The following CAMK2A variants were observed in gnomAD, a reference collection of about 807,000 sequenced individuals.
The protein encoded by CAMK2A is calcium/calmodulin-dependent protein kinase type II subunit alpha.
In CAMK2A, 7 loss-of-function variants were observed where a neutral mutation model predicts 79.2. The ratio of observed to expected loss-of-function variants is 0.09; its 90% CI spans 0.05 to 0.17. The LOEUF is 0.17. Ranked by LOEUF, CAMK2A falls within the 10% of genes least tolerant of loss-of-function variation. The pLI, the probability that CAMK2A is intolerant of heterozygous loss-of-function variation, is 1.00. For synonymous variants in CAMK2A, 242 were observed against 251.7 expected (o/e 0.96, Z 0.36); for missense variants, 214 against 646.4 (o/e 0.33, Z 7.25).
At chr5:150,235,052 G>A (rs535462577) in intron 15 of CAMK2A, among the ~76,000 whole-genome samples, 1 of 152,136 alleles carries the variant, frequency 6.6e-6, no homozygotes, top group Non-Finnish European at 1.5e-5. Context: ...CTCTGAGTAC[G>A]TGCACACAAT....
intron 18 of CAMK2A, 70 bp downstream of exon 18, chr5:150,222,919 C>T (rs1754390643): frequency 1.1e-5 from 16 of 1,498,068 alleles, no homozygotes; most frequent in South Asian, 3.4e-5. Context: ...GCTTCCCCGA[C>T]GTAACCCCCT....
At chr5:150,234,027 G>A (rs915063961) in intron 15 of CAMK2A, among the ~76,000 whole-genome samples, 1 of 152,124 alleles carries the variant, frequency 6.6e-6, no homozygotes, top group African/African-American at 2.4e-5. Flanking sequence ...TGGCCAGGCT[G>A]GTCACGAGCT....
intron 3 of CAMK2A, among the ~76,000 whole-genome samples, chr5:150,259,172 T>C (rs1199457030): frequency 6.7e-6 from 1 of 150,240 alleles, no homozygotes; most frequent in African/African-American, 2.5e-5. Flanking sequence ...AAAGCAACAC[T>C]CCATCTCAAA....
At position 150,256,955 on chromosome 5, in the gene CAMK2A, GC is replaced by G. The variant is rs1756085113; in HGVS notation, c.273-125del. 4.0e-6 allele frequency: 3 copies of G among 748,808 alleles called. No homozygotes were observed. The highest frequency in any genetic ancestry group is 6.5e-6 in the Non-Finnish European group (3 of 463,960). The allele number at this position is 748,808 out of a possible 1,614,324, so 46.4% of individuals were successfully genotyped here. A position where few individuals can be genotyped will look rare whatever the true frequency, so the allele number is the denominator to read the frequency against. ...CAGGACCTCAGCCACAAAAGGAGGG[GC>G]CCCAGGGTCACGGGGGTGTCCCCTG... is the stretch of plus-strand genomic sequence containing the variant. On this transcript the variant is annotated intron_variant, in intron 4 of 18. Transcript: ENST00000671881. This position sits in a 1 kb window ranked among gnomAD's most constrained non-coding sequence, Gnocchi z 4.6.
chr5:150,262,764 C>G (rs1224948224), intron 3 of CAMK2A, among the ~76,000 whole-genome samples: 1 of 152,158 alleles, frequency 6.6e-6, no homozygotes, highest in Non-Finnish European at 1.5e-5. Flanking sequence ...AAGGTGGGTG[C>G]TGTGATTATC....
At chr5:150,277,565 G>A (rs1757004366) in intron 1 of CAMK2A, among the ~76,000 whole-genome samples, 1 of 152,264 alleles carries the variant, frequency 6.6e-6, no homozygotes, top group Non-Finnish European at 1.5e-5. Flanking sequence ...AAGCTTTTGT[G>A]TAAATTAGAG....
chr5:150,272,348 T>C (rs1756781230), intron 2 of CAMK2A, among the ~76,000 whole-genome samples: 1 of 152,162 alleles, frequency 6.6e-6, no homozygotes, highest in South Asian at 2.1e-4. Flanking sequence ...ACAGATCATC[T>C]GAGGTCAAGA....
At position 150,272,429 on chromosome 5, in the gene CAMK2A, G is replaced by A. The variant is rs376412176; in HGVS notation, c.157+636C>T. On this transcript the variant is annotated intron_variant, in intron 2 of 18. Transcript: ENST00000671881. ...AAAATACAAAGAGAAAAAATTAGCC[G>A]GGCATGGCGGTGGACGCTTGTAATC... 1.1e-4 allele frequency among the ~76,000 whole-genome samples: 17 copies of A among 152,110 alleles called. 1 individual carries two copies. The highest frequency in any genetic ancestry group is 3.9e-4 in the African/African-American group (16 of 41,480).
chr5:150,271,542 G>A (rs1756750189), intron 2 of CAMK2A, among the ~76,000 whole-genome samples: 1 of 152,204 alleles, frequency 6.6e-6, no homozygotes, highest in Non-Finnish European at 1.5e-5. Flanking sequence ...CCACACAGCT[G>A]CGCCTATCAA....
At position 150,256,194 on chromosome 5, in the gene CAMK2A, T is replaced by G. The variant is rs1756051204; in HGVS notation, c.411+379A>C. On this transcript the variant is annotated intron_variant, in intron 6 of 18. Transcript: ENST00000671881. The surrounding 1 kb of genome is among the most constrained non-coding windows in gnomAD (Gnocchi z 4.6). ...GAGGTTGCTATGGCAACCCCCATTG[T>G]GAAGAATCTGAGGCTCAGGAAGGTC... 6.6e-6 allele frequency among the ~76,000 whole-genome samples: 1 copy of G among 152,188 alleles called. No homozygotes were observed. Among genetic ancestry groups the G allele is most frequent in the African/African-American group, 2.4e-5 (1 of 41,440 alleles).
chr5:150,283,118 C>T (rs1370922234), intron 1 of CAMK2A, among the ~76,000 whole-genome samples: 1 of 152,234 alleles, frequency 6.6e-6, no homozygotes, highest in African/African-American at 2.4e-5. Context: ...CTTGATTCAG[C>T]TTCCAGACCT....
At chr5:150,260,141 T>C (rs1756239704) in intron 3 of CAMK2A, among the ~76,000 whole-genome samples, 1 of 151,990 alleles carries the variant, frequency 6.6e-6, no homozygotes. Context: ...TCAAAGTAAA[T>C]GCAGGCTTAA....
chr5:150,259,138 C>A (rs778545522), intron 3 of CAMK2A, among the ~76,000 whole-genome samples: 1 of 151,798 alleles, frequency 6.6e-6, no homozygotes, highest in Non-Finnish European at 1.5e-5. Context: ...CGAGATCGTG[C>A]CACTGCACTA....
At position 150,221,805 on chromosome 5, in the gene CAMK2A, C is replaced by T. The variant is rs968431004; in HGVS notation, c.*905G>A. ...AAACTACCCCTCACCCCTCTTCCTA[C>T]ACCCCTTCCAACCTGACCCTTCTCA... On this transcript the variant is annotated 3_prime_UTR_variant, in exon 19 of 19. Transcript: ENST00000671881. 4 of 392,414 alleles carry T rather than the reference C, an allele frequency of 1.0e-5. No homozygotes were observed. The highest frequency in any genetic ancestry group is 3.6e-5 in the East Asian group (1 of 27,852). 24.3% of individuals were successfully genotyped at this position (392,414 alleles called of 1,614,324 possible). A position where few individuals can be genotyped will look rare whatever the true frequency, so the allele number is the denominator to read the frequency against.
At position 150,250,676 on chromosome 5, in the gene CAMK2A, A is replaced by T; in HGVS notation, c.816+12T>A. On this transcript the variant is annotated intron_variant, in intron 10 of 18. Transcript: ENST00000671881. ...GGGGCTCCTGGGAGAAGTCCTGCTG[A>T]GGAAGGCTCACCGAGATCCAGGGGT... The T allele has an allele frequency of 6.2e-7, 1 of 1,613,716 alleles. No homozygotes were observed. The highest frequency in any genetic ancestry group is 8.5e-7 in the Non-Finnish European group (1 of 1,179,816).
chr5:150,236,584 A>G (rs1310565978), intron 15 of CAMK2A, among the ~76,000 whole-genome samples: 7 of 152,240 alleles, frequency 4.6e-5, no homozygotes, highest in Non-Finnish European at 7.3e-5. Flanking sequence ...CCAGTGGAGA[A>G]GACAGAGCCA....
intron 1 of CAMK2A, among the ~76,000 whole-genome samples, chr5:150,280,426 C>G (rs995491808): frequency 1.3e-5 from 2 of 152,140 alleles, no homozygotes; most frequent in Admixed American, 6.5e-5. Flanking sequence ...TCAAATAAAA[C>G]AAAACAACCG....
intron 16 of CAMK2A, among the ~76,000 whole-genome samples, chr5:150,229,392 A>G (rs1464865203): frequency 6.6e-6 from 1 of 152,102 alleles, no homozygotes; most frequent in African/African-American, 2.4e-5. Context: ...GAGCGCCCCC[A>G]CTGAAGAAGC....
chr5:150,248,505 G>T (rs1210018456), intron 11 of CAMK2A, among the ~76,000 whole-genome samples: 3 of 112,178 alleles, frequency 2.7e-5, no homozygotes, highest in East Asian at 2.5e-4. Context: ...CCCACAACAG[G>T]CCCCGGTGTG....
Sources: allele counts gnomAD v4.1 joint callset (sites outside exome capture counted in the v4.1 genomes callset), GRCh38; gene constraint gnomAD v4.1.1; non-coding constraint Gnocchi (gnomAD v3.1); transcripts MANE v1.5; gene names NCBI Gene and HGNC (gene_info 2026-07-23, HGNC 2026-07-21).